THSD4: variants seen among roughly 807,000 people sequenced by gnomAD.
THSD4 encodes thrombospondin type-1 domain-containing protein 4.
Under a neutral mutation model 119.0 loss-of-function variants are expected in THSD4, and 69 were observed. That is an observed-to-expected ratio of 0.58 (90% CI 0.48 to 0.71). The LOEUF is 0.71. Ranked by LOEUF, THSD4 falls within the 30% of genes least tolerant of loss-of-function variation. THSD4 has a pLI of 0.00. For synonymous variants in THSD4, 524 were observed against 540.4 expected, an observed-to-expected ratio of 0.97 and a Z score of 0.42; for missense variants, 1,393 against 1,391.1, an observed-to-expected ratio of 1.00 and a Z score of -0.02.
chr15:71,384,755 C>T (rs939292168), intron 6 of THSD4, among the ~76,000 whole-genome samples: 15 of 152,184 alleles, frequency 9.9e-5, no homozygotes, highest in Non-Finnish European at 1.9e-4. Flanking sequence ...ATCCACATAA[C>T]GGCATTGTAA....
intron 7 of THSD4, among the ~76,000 whole-genome samples, chr15:71,460,732 G>A (rs774505260): frequency 6.6e-6 from 1 of 152,166 alleles, no homozygotes; most frequent in Non-Finnish European, 1.5e-5. Flanking sequence ...GTACAAGATA[G>A]CTACGTTTCG....
intron 5 of THSD4, among the ~76,000 whole-genome samples, chr15:71,255,048 C>G (rs2079177879): frequency 6.6e-6 from 1 of 152,216 alleles, no homozygotes; most frequent in Non-Finnish European, 1.5e-5. Context: ...CACCTGTTTT[C>G]AGTCCTTCTT....
At chr15:71,419,518 A>G (rs2046788554) in intron 7 of THSD4, among the ~76,000 whole-genome samples, 1 of 107,286 alleles carries the variant, frequency 9.3e-6, no homozygotes, top group Non-Finnish European at 2.0e-5. Context: ...TCTTTTACTA[A>G]TTTTGGGGTT....
chr15:71,723,822 C>A (rs868374006), intron 8 of THSD4, among the ~76,000 whole-genome samples: 1 of 152,022 alleles, frequency 6.6e-6, no homozygotes, highest in Non-Finnish European at 1.5e-5. Flanking sequence ...AATCCCAGCA[C>A]TTTGGGAGGC....
At chr15:71,370,186 A>G (rs1320133973) in intron 6 of THSD4, among the ~76,000 whole-genome samples, 3 of 151,952 alleles carry the variant, frequency 2.0e-5, no homozygotes, top group South Asian at 2.1e-4. Context: ...CTTCTTTATT[A>G]GTATTGCTAG....
At chr15:71,169,759 A>G (rs1325828324) in intron 3 of THSD4, among the ~76,000 whole-genome samples, 1 of 152,200 alleles carries the variant, frequency 6.6e-6, no homozygotes, top group African/African-American at 2.4e-5. Context: ...TAGAAAATAA[A>G]TGAATTGAGT....
chr15:71,432,083 A>C (rs1171731022), intron 7 of THSD4, among the ~76,000 whole-genome samples: 1 of 152,136 alleles, frequency 6.6e-6, no homozygotes, highest in African/African-American at 2.4e-5. Flanking sequence ...ACCAAGACAT[A>C]TCAGATTTCT....
intron 1 of THSD4, among the ~76,000 whole-genome samples, chr15:71,135,339 T>A (rs1172863768): frequency 6.9e-6 from 1 of 144,494 alleles, no homozygotes; most frequent in Non-Finnish European, 1.5e-5. Flanking sequence ...AATGTGCACA[T>A]GTACCCTAAA....
chr15:71,543,054 G>C (rs1003507664), intron 7 of THSD4, among the ~76,000 whole-genome samples: 1 of 152,040 alleles, frequency 6.6e-6, no homozygotes, highest in Non-Finnish European at 1.5e-5. Context: ...TCCTGGATTG[G>C]GTCCTGGAAT....
chr15:71,190,062 A>G (rs376727330), intron 3 of THSD4, among the ~76,000 whole-genome samples: 59 of 152,296 alleles, frequency 3.9e-4, no homozygotes, highest in East Asian at 3.9e-3. Flanking sequence ...GGATGGCTAC[A>G]TATGAGCCAT....
Position 71,539,243 on chromosome 15 carries a change from C to T in THSD4, c.1153-121287C>T, listed in dbSNP as rs548499525. Among the ~76,000 whole-genome samples the T allele has an allele frequency of 1.9e-3, 289 of 152,342 alleles. 1 individual carries two copies. Among genetic ancestry groups the T allele is most frequent in the African/African-American group, 6.8e-3 (282 of 41,586 alleles). ...TTTTGTACAAAGGGAGAGTTAATTA[C>T]TAACACCTGCTTCTGCTTCTCCTTT... On this transcript the variant is annotated intron_variant, in intron 7 of 17. Transcript: ENST00000261862.
At chr15:71,521,114 T>C (rs922013529) in intron 7 of THSD4, among the ~76,000 whole-genome samples, 13 of 152,152 alleles carry the variant, frequency 8.5e-5, no homozygotes, top group African/African-American at 2.7e-4. Flanking sequence ...TTGTTGTAAA[T>C]AGAGAAAAGG....
At chr15:71,746,399 T>C (rs947756071) in intron 12 of THSD4, among the ~76,000 whole-genome samples, 5 of 152,168 alleles carry the variant, frequency 3.3e-5, no homozygotes, top group African/African-American at 1.2e-4. Context: ...TTTTTCTTTT[T>C]CTTTTCTTTT....
chr15:71,208,672 CA>C (rs1326223988), intron 3 of THSD4, among the ~76,000 whole-genome samples: 2 of 151,938 alleles, frequency 1.3e-5, no homozygotes, highest in East Asian at 3.9e-4. Flanking sequence ...CTACCATGCC[CA>C]GCTAATTTTT....
chr15:71,589,359 TA>T lies in THSD4; in HGVS notation c.1153-71170del, dbSNP rs200322436. Among the ~76,000 whole-genome samples the T allele has an allele frequency of 6.9e-5, 9 of 130,998 alleles. 1 individual carries two copies. The highest frequency in any genetic ancestry group is 7.0e-5 in the Non-Finnish European group (4 of 56,990). 85.9% of individuals were successfully genotyped at this position (130,998 alleles called of 152,430 possible). The stretch of plus-strand genomic sequence containing the variant: ...GTGTGATATAAATTATTTATTTATT[TA>T]TTTTTTTATTTATTGGAGACAGAGT... On this transcript the variant is annotated intron_variant, in intron 7 of 17. Coordinates refer to ENST00000261862, the MANE Select transcript of THSD4 (RefSeq NM_024817.3).
chr15:71,608,602 C>A (rs1024565265), intron 7 of THSD4, among the ~76,000 whole-genome samples: 1 of 152,058 alleles, frequency 6.6e-6, no homozygotes, highest in African/African-American at 2.4e-5. Context: ...GGCCTTGTTT[C>A]GGATTATGCC....
In THSD4 at chr15:71,771,065, G is replaced by C; in HGVS notation, c.2771G>C (p.Cys924Ser). 6.2e-7 allele frequency: 1 copy of C among 1,614,058 alleles called. No homozygotes were observed. The highest frequency in any genetic ancestry group is 1.7e-4 in the Middle Eastern group (1 of 6,060). The change falls in exon 17 of 18, where the codon TGT (cysteine) becomes TCT (serine). Residue 924 changes from cysteine to serine, a missense_variant and splice_region_variant. Coordinates refer to ENST00000261862, the MANE Select transcript of THSD4 (RefSeq NM_024817.3). ...AKWFSTEWSM[C>S]SKSCQGGFRV... is the part of the protein sequence containing the mutation. ...TGTTTTCCCTTTGTTCCCATGCAGT[G>C]TTCCAAGAGCTGCCAGGGTGGCTTT...
upstream of THSD4, among the ~76,000 whole-genome samples, chr15:71,112,658 G>A (rs1477082702): frequency 2.0e-5 from 3 of 152,262 alleles, no homozygotes; most frequent in East Asian, 1.9e-4. Context: ...GTAAGCACAG[G>A]CTAGCCTTTG....
intron 4 of THSD4, among the ~76,000 whole-genome samples, chr15:71,217,360 G>A (rs1217083794): frequency 1.3e-5 from 2 of 152,050 alleles, no homozygotes; most frequent in Non-Finnish European, 2.9e-5. Flanking sequence ...GCTCACTCCT[G>A]TAATCCTAGT....
Sources: allele counts gnomAD v4.1 joint callset (sites outside exome capture counted in the v4.1 genomes callset), GRCh38; gene constraint gnomAD v4.1.1; transcripts MANE v1.5; gene names NCBI Gene and HGNC (gene_info 2026-07-23, HGNC 2026-07-21).